The following RANBP17 variants were observed in gnomAD, a reference collection of about 807,000 sequenced individuals.
RANBP17 encodes the protein RAN binding protein 17.
A neutral mutation model predicts 141.2 loss-of-function variants in RANBP17; 158 were observed. The ratio of observed to expected loss-of-function variants is 1.12; its 90% CI spans 0.98 to 1.28. The LOEUF (loss-of-function observed/expected upper bound fraction) is 1.28. Among genes scored for constraint, RANBP17 ranks in the 50% most tolerant of loss-of-function variants. The pLI is 0.00. For synonymous variants in RANBP17, 430 were observed against 450.0 expected (o/e 0.96, Z 0.56); for missense variants, 1,438 against 1,290.7 (o/e 1.11, Z -1.75).
intron 14 of RANBP17, among the ~76,000 whole-genome samples, chr5:171,071,388 A>G (rs1462190563): frequency 6.6e-6 from 1 of 152,072 alleles, no homozygotes; most frequent in Non-Finnish European, 1.5e-5. Flanking sequence ...CAAGTGAACT[A>G]GAAGAGCCCC....
chr5:171,195,801 C>G (rs1433502481), intron 18 of RANBP17, among the ~76,000 whole-genome samples: 3 of 152,184 alleles, frequency 2.0e-5, no homozygotes, highest in East Asian at 1.9e-4. Context: ...CTTTGAGTCT[C>G]TCTGCTCACA....
intron 13 of RANBP17, among the ~76,000 whole-genome samples, chr5:170,957,190 A>T (rs1186922625): frequency 6.6e-6 from 1 of 152,138 alleles, no homozygotes; most frequent in Non-Finnish European, 1.5e-5. Flanking sequence ...AACAAATATT[A>T]GTTTTTTATT....
chr5:170,896,082 A>G lies in RANBP17; in HGVS notation c.456A>G (p.Ile152Met), dbSNP rs1487996550. ...TGGAACACTGCATAATAGGAGTAAT[A>G]ATCCTTTCTGAATTGACTCAGGAAA... ...GTVEHCIIGV[I>M]ILSELTQEMN... The change falls in exon 5 of 28, where the codon ATA becomes ATG. Residue 152 changes from isoleucine to methionine, a missense_variant. Transcript: ENST00000523189. 1 of 1,609,604 alleles carries G rather than the reference A, an allele frequency of 6.2e-7. No homozygotes were observed. Among genetic ancestry groups the G allele is most frequent in the Non-Finnish European group, 8.5e-7 (1 of 1,178,030 alleles).
chr5:171,143,316 AAT>A (rs1757823168), intron 14 of RANBP17: 1 of 152,204 alleles, frequency 6.6e-6, no homozygotes, highest in African/African-American at 2.4e-5. Flanking sequence ...GAGATCATAT[AAT>A]ATATAGTCTA....
intron 14 of RANBP17, among the ~76,000 whole-genome samples, chr5:171,102,227 C>T (rs1431243479): frequency 6.6e-6 from 1 of 152,000 alleles, no homozygotes; most frequent in Non-Finnish European, 1.5e-5. Flanking sequence ...TTTCCAGTAC[C>T]CCAAGCAAAT....
chr5:170,964,504 G>A (rs377157752), intron 13 of RANBP17, among the ~76,000 whole-genome samples: 5 of 151,944 alleles, frequency 3.3e-5, no homozygotes, highest in South Asian at 2.1e-4. Context: ...CCATCAACTC[G>A]TCATTTAGCA....
At chr5:171,222,220 C>T (rs531439274) in intron 22 of RANBP17, among the ~76,000 whole-genome samples, 1 of 152,312 alleles carries the variant, frequency 6.6e-6, no homozygotes, top group East Asian at 1.9e-4. Flanking sequence ...GGAAAATATC[C>T]TTGTAAAGAG....
At chr5:170,933,985 CGTT>C (rs1561905803) in intron 12 of RANBP17, among the ~76,000 whole-genome samples, 1 of 151,886 alleles carries the variant, frequency 6.6e-6, no homozygotes, top group African/African-American at 2.4e-5. Flanking sequence ...CTTTCTGTCT[CGTT>C]GATCTGTGTA....
At chr5:171,262,703 AGTCACCTTATT>A (rs1402293923) in intron 24 of RANBP17, among the ~76,000 whole-genome samples, 2 of 152,190 alleles carry the variant, frequency 1.3e-5, no homozygotes, top group Non-Finnish European at 2.9e-5. Context: ...TGCTCATTAT[AGTCACCTTATT>A]AGTGCTACAG....
At chr5:170,933,031 C>G (rs562140760) in intron 12 of RANBP17, among the ~76,000 whole-genome samples, 20 of 152,116 alleles carry the variant, frequency 1.3e-4, no homozygotes, top group Non-Finnish European at 2.4e-4. Context: ...GCTGTGAATC[C>G]ATCTGGTCCT....
chr5:170,878,004 C>T (rs1034638350), intron 1 of RANBP17, 93 bp from the exon 2 acceptor site: 6 of 838,714 alleles, frequency 7.2e-6, no homozygotes, highest in African/African-American at 5.1e-5. Context: ...TTAATGAATA[C>T]ACATGTGATA....
intron 12 of RANBP17, among the ~76,000 whole-genome samples, chr5:170,941,795 A>T (rs765685609): frequency 6.6e-6 from 1 of 152,246 alleles, no homozygotes; most frequent in Non-Finnish European, 1.5e-5. Flanking sequence ...GAATTCTTAT[A>T]TACTTCTGGT....
chr5:171,130,371 A>G (rs1020716767), intron 14 of RANBP17, among the ~76,000 whole-genome samples: 3 of 151,248 alleles, frequency 2.0e-5, no homozygotes, highest in African/African-American at 7.3e-5. Flanking sequence ...CTCCCTGAAT[A>G]TAATGTTTTC....
At chr5:171,095,760 C>T (rs547682764) in intron 14 of RANBP17, among the ~76,000 whole-genome samples, 2 of 152,034 alleles carry the variant, frequency 1.3e-5, no homozygotes, top group Non-Finnish European at 2.9e-5. Flanking sequence ...AACTGACACC[C>T]CCCCGACACA....
intron 21 of RANBP17, among the ~76,000 whole-genome samples, chr5:171,218,468 C>T (rs1763357493): frequency 1.3e-5 from 2 of 152,288 alleles, no homozygotes; most frequent in Admixed American, 1.3e-4. Flanking sequence ...TCTCATCAAT[C>T]TGTCTAATAT....
At chr5:170,883,338 A>ACTT (rs1458029206) in intron 3 of RANBP17, among the ~76,000 whole-genome samples, 1 of 152,212 alleles carries the variant, frequency 6.6e-6, no homozygotes, top group Non-Finnish European at 1.5e-5. Context: ...AGTACAGAGG[A>ACTT]CTTCCGTATA....
chr5:171,230,688 G>A (rs1764156795), intron 22 of RANBP17, among the ~76,000 whole-genome samples: 2 of 152,102 alleles, frequency 1.3e-5, no homozygotes, highest in South Asian at 4.2e-4. Flanking sequence ...CTTGAACCTG[G>A]GAGGCAGAGG....
At chr5:171,294,058 T>C (rs1231088885) in intron 26 of RANBP17, 77 bp downstream of exon 26, 1 of 1,086,434 alleles carries the variant, frequency 9.2e-7, no homozygotes, top group Non-Finnish European at 1.4e-6. Flanking sequence ...TGAGCTGTGA[T>C]GACGAAGGAC....
chr5:170,946,831 T>G (rs1463552146), intron 12 of RANBP17, among the ~76,000 whole-genome samples: 1 of 152,160 alleles, frequency 6.6e-6, no homozygotes, highest in African/African-American at 2.4e-5. Context: ...TAGATCATCT[T>G]AAACAGTGAA....
Sources: gnomAD v4.1 joint callset for allele counts (sites outside exome capture counted in the v4.1 genomes callset) on GRCh38, gnomAD v4.1.1 for gene constraint, MANE v1.5 for transcripts, NCBI Gene and HGNC (gene_info 2026-07-23, HGNC 2026-07-21) for gene names.